The following PARD3B variants were observed in gnomAD, a reference collection of about 807,000 sequenced individuals.
PARD3B encodes the protein partitioning defective 3 homolog B.
A neutral mutation model predicts 130.2 loss-of-function variants in PARD3B; 103 were observed. The ratio of observed to expected loss-of-function variants is 0.79; its 90% CI spans 0.67 to 0.93. PARD3B has a LOEUF of 0.93. Ranked by LOEUF, PARD3B falls within the 40% of genes least tolerant of loss-of-function variation. The pLI is 0.00. For missense variants in PARD3B, 1,609 were observed against 1,499.2 expected (o/e 1.07, Z -1.21); for synonymous variants, 583 against 553.2 (o/e 1.05, Z -0.76).
chr2:204,962,621 C>T (rs1044762708), intron 2 of PARD3B, among the ~76,000 whole-genome samples: 4 of 151,976 alleles, frequency 2.6e-5, no homozygotes, highest in East Asian at 3.9e-4. Flanking sequence ...AGTCTGCTAC[C>T]GAGGAATGTA....
chr2:204,678,504 T>A lies in PARD3B; in HGVS notation c.121-7677T>A, dbSNP rs2036661606. On this transcript the variant is annotated intron_variant, in intron 1 of 22. Coordinates refer to ENST00000406610, the MANE Select transcript of PARD3B (RefSeq NM_001302769.2). The surrounding 1 kb of genome is among the most constrained non-coding windows in gnomAD (Gnocchi z 4.2). ...ATTGACTGATGGAGGTGGCTGTCAG[T>A]GGAAAAGGAGCTAGAGCGGGGATGG... Among the ~76,000 whole-genome samples the A allele has an allele frequency of 6.6e-6, 1 of 152,168 alleles. No homozygotes were observed. Among genetic ancestry groups the A allele is most frequent in the African/African-American group, 2.4e-5 (1 of 41,504 alleles).
At chr2:204,904,611 C>T (rs1345670199) in intron 2 of PARD3B, among the ~76,000 whole-genome samples, 1 of 151,642 alleles carries the variant, frequency 6.6e-6, no homozygotes, top group Non-Finnish European at 1.5e-5. Flanking sequence ...AGAAGCAAGT[C>T]GTCCAATATC....
intron 11 of PARD3B, among the ~76,000 whole-genome samples, chr2:205,167,313 C>T (rs2034876162): frequency 1.3e-5 from 2 of 152,124 alleles, no homozygotes; most frequent in Admixed American, 6.5e-5. Context: ...CGACCCCTCA[C>T]TCCAAAGAAT....
Position 204,876,466 on chromosome 2 carries a change from T to A in PARD3B, c.223-88686T>A, listed in dbSNP as rs2045848138. Among the ~76,000 whole-genome samples, 3 of 152,222 alleles carry A rather than the reference T, an allele frequency of 2.0e-5. No individual in the cohort carries two copies. The South Asian group carries it at 6.2e-4, about 32-fold the overall frequency. ...GTCGTTGGATTGAGTTGAAGGATTT[T>A]GATTTTATGCAAAAAATTTAGAAGT... On this transcript the variant is annotated intron_variant, in intron 2 of 22. Coordinates refer to ENST00000406610, the MANE Select transcript of PARD3B (RefSeq NM_001302769.2).
chr2:204,566,372 T>G (rs964142953), intron 1 of PARD3B, among the ~76,000 whole-genome samples: 1 of 152,216 alleles, frequency 6.6e-6, no homozygotes, highest in African/African-American at 2.4e-5. Flanking sequence ...ATGTTTTTTT[T>G]AAACTAACTT....
At chr2:204,945,249 G>A (rs1424065414) in intron 2 of PARD3B, among the ~76,000 whole-genome samples, 3 of 152,164 alleles carry the variant, frequency 2.0e-5, no homozygotes, top group African/African-American at 7.2e-5. Context: ...AGGGGCTCTG[G>A]GTTCCTAAGG....
intron 1 of PARD3B, among the ~76,000 whole-genome samples, chr2:204,620,562 C>T (rs943080207): frequency 2.6e-5 from 4 of 152,076 alleles, no homozygotes; most frequent in Admixed American, 6.6e-5. Context: ...TGAACAGGGC[C>T]GTTATCTACC....
chr2:204,880,032 A>G (rs1485679811), intron 2 of PARD3B, among the ~76,000 whole-genome samples: 3 of 152,086 alleles, frequency 2.0e-5, no homozygotes, highest in African/African-American at 2.4e-5. Flanking sequence ...ATCCTTTTTT[A>G]TTGATCAGAC....
At chr2:205,600,816 C>T (rs2054755664) in intron 22 of PARD3B, among the ~76,000 whole-genome samples, 1 of 152,200 alleles carries the variant, frequency 6.6e-6, no homozygotes, top group Non-Finnish European at 1.5e-5. Flanking sequence ...CATCCACGTC[C>T]CTGCAAAGGA....
chr2:205,323,524 C>T (rs577284271), intron 18 of PARD3B, among the ~76,000 whole-genome samples: 35 of 152,188 alleles, frequency 2.3e-4, no homozygotes, highest in African/African-American at 6.7e-4. Context: ...TTTTCTAATA[C>T]GCAAAGGGGA....
intron 2 of PARD3B, among the ~76,000 whole-genome samples, chr2:204,822,675 C>G (rs529891087): frequency 6.6e-6 from 1 of 152,190 alleles, no homozygotes; most frequent in Middle Eastern, 3.4e-3. Context: ...TGAGTAAATA[C>G]TGAGAGCAAA....
At chr2:205,171,292 A>G (rs888592) in intron 11 of PARD3B, among the ~76,000 whole-genome samples, 54,681 of 152,012 alleles carry the variant, frequency 0.36, 10,112 homozygotes, top group Middle Eastern at 0.51. Context: ...CATTTCAAGC[A>G]TCTTTGCTCC....
chr2:205,413,126 T>C (rs951827215), intron 19 of PARD3B, among the ~76,000 whole-genome samples: 2 of 152,128 alleles, frequency 1.3e-5, no homozygotes, highest in African/African-American at 4.8e-5. Flanking sequence ...ATGGTGCATG[T>C]TCTGAGAAAA....
intron 3 of PARD3B, among the ~76,000 whole-genome samples, chr2:204,974,360 T>C (rs1047097731): frequency 1.3e-5 from 2 of 152,226 alleles, no homozygotes; most frequent in African/African-American, 4.8e-5. Context: ...TATTACCTTA[T>C]CACAACCTAT....
chr2:205,329,994 A>T (rs559834255), intron 18 of PARD3B, among the ~76,000 whole-genome samples: 1 of 63,018 alleles, frequency 1.6e-5, no homozygotes. Flanking sequence ...ACGCCGTCTC[A>T]AAATAAATAA....
rs191781732 is a variant in PARD3B, at chr2:204,948,090, C to T, written c.223-17062C>T. ...TTGTAAGGTAGGATGACTTCCAATACATATGTGTTGGTATGTGTTGATTTT... is the reference window on the plus strand; with the variant it reads ...TTGTAAGGTAGGATGACTTCCAATATATATGTGTTGGTATGTGTTGATTTT... On this transcript the variant is annotated intron_variant, in intron 2 of 22. Transcript: ENST00000406610. Among the ~76,000 whole-genome samples the T allele has an allele frequency of 6.4e-4, 97 of 152,300 alleles. 1 individual carries two copies. Among genetic ancestry groups the T allele is most frequent in the Admixed American group, 5.6e-3 (86 of 15,304 alleles).
At chr2:205,580,073 A>G (rs983811074) in intron 22 of PARD3B, among the ~76,000 whole-genome samples, 2 of 152,232 alleles carry the variant, frequency 1.3e-5, no homozygotes, top group African/African-American at 2.4e-5. Context: ...TATATCTCAC[A>G]CTGAAATAAG....
intron 2 of PARD3B, among the ~76,000 whole-genome samples, chr2:204,721,707 T>G (rs1187109005): frequency 6.6e-6 from 1 of 152,182 alleles, no homozygotes; most frequent in Non-Finnish European, 1.5e-5. Context: ...CAAAGGTATT[T>G]TAGTAGTCAG....
chr2:204,855,129 A>C (rs1216309928), intron 2 of PARD3B, among the ~76,000 whole-genome samples: 1 of 152,182 alleles, frequency 6.6e-6, no homozygotes, highest in Non-Finnish European at 1.5e-5. Flanking sequence ...GTCTCAAAAA[A>C]TGAGAACTAC....
Sources: gnomAD v4.1 joint callset for allele counts (sites outside exome capture counted in the v4.1 genomes callset) on GRCh38, gnomAD v4.1.1 for gene constraint, Gnocchi (gnomAD v3.1) non-coding constraint, MANE v1.5 for transcripts, NCBI Gene and HGNC (gene_info 2026-07-23, HGNC 2026-07-21) for gene names.